Variants in SORCS1 observed in about 807,000 individuals in gnomAD.
SORCS1 encodes VPS10 domain-containing receptor SorCS1.
A neutral mutation model predicts 146.1 loss-of-function variants in SORCS1; 60 were observed. That is an observed-to-expected ratio of 0.41 (90% confidence interval 0.33 to 0.51). The LOEUF (loss-of-function observed/expected upper bound fraction) is 0.51, where lower values mean the gene tolerates loss of function less well. SORCS1 is among the 20% of genes least tolerant of loss of function. The pLI is 0.21. For synonymous variants in SORCS1, 637 were observed against 584.0 expected, an observed-to-expected ratio of 1.09 and a Z score of -1.31; for missense variants, 1,352 against 1,487.6, an observed-to-expected ratio of 0.91 and a Z score of 1.50.
At chr10:106,746,786 G>C (rs1022718626) in intron 5 of SORCS1, among the ~76,000 whole-genome samples, 1 of 152,218 alleles carries the variant, frequency 6.6e-6, no homozygotes, top group Non-Finnish European at 1.5e-5. Context: ...GCTGAAATGT[G>C]AGGTCAAATG....
intron 6 of SORCS1, among the ~76,000 whole-genome samples, chr10:106,714,093 G>A (rs1855187225): frequency 8.7e-6 from 1 of 115,594 alleles, no homozygotes; most frequent in Admixed American, 1.3e-4. Flanking sequence ...CTGGGATCAC[G>A]GCACTGCACT....
At chr10:106,609,063 C>T (rs1846797357) in intron 22 of SORCS1, among the ~76,000 whole-genome samples, 1 of 152,164 alleles carries the variant, frequency 6.6e-6, no homozygotes, top group Non-Finnish European at 1.5e-5. Flanking sequence ...TCTCAATTTC[C>T]ACTCCAGGAA....
upstream of SORCS1, among the ~76,000 whole-genome samples, chr10:107,169,434 A>G (rs1970112468): frequency 6.6e-6 from 1 of 152,166 alleles, no homozygotes. Context: ...GAATCCAGTA[A>G]TTGTACCCGT....
chr10:107,080,749 C>T (rs1963268797), intron 1 of SORCS1, among the ~76,000 whole-genome samples: 1 of 152,152 alleles, frequency 6.6e-6, no homozygotes, highest in East Asian at 1.9e-4. Flanking sequence ...ATCCTTAAAA[C>T]CCAGTTATTA....
intron 5 of SORCS1, among the ~76,000 whole-genome samples, chr10:106,735,553 G>A (rs1856890602): frequency 6.6e-6 from 1 of 152,138 alleles, no homozygotes; most frequent in Non-Finnish European, 1.5e-5. Context: ...TGCAGCAATA[G>A]GATCAATGGA....
At chr10:106,758,396 C>T (rs1858823769) in intron 5 of SORCS1, among the ~76,000 whole-genome samples, 1 of 152,128 alleles carries the variant, frequency 6.6e-6, no homozygotes, top group African/African-American at 2.4e-5. Flanking sequence ...TGGTAGGAAC[C>T]AACTTCTGCC....
At chr10:106,814,902 G>A (rs1282791218) in intron 3 of SORCS1, among the ~76,000 whole-genome samples, 7 of 97,802 alleles carry the variant, frequency 7.2e-5, no homozygotes, top group South Asian at 4.5e-4. Flanking sequence ...GCGACAGAGC[G>A]AGACTCCATC....
intron 1 of SORCS1, among the ~76,000 whole-genome samples, chr10:107,030,115 G>T (rs1958584796): frequency 6.6e-6 from 1 of 152,018 alleles, no homozygotes; most frequent in Non-Finnish European, 1.5e-5. Flanking sequence ...CATCAGGAGT[G>T]GTCTACTCCA....
Position 106,830,279 on chromosome 10 carries a change from G to C in SORCS1, c.627-606C>G, listed in dbSNP as rs572971456. Among the ~76,000 whole-genome samples the C allele has an allele frequency of 1.5e-3, 232 of 152,244 alleles. 2 individuals are homozygous for C. The highest frequency in any genetic ancestry group is 5.5e-3 in the African/African-American group (227 of 41,554). On this transcript the variant is annotated intron_variant, in intron 2 of 25. Transcript: ENST00000263054. ...GACACTGACACTGTTTTTTCCTATA[G>C]AGCCTCTCAGCTTTAGCCATTGGTC...
chr10:106,587,008 T>C (rs983801368), intron 24 of SORCS1, among the ~76,000 whole-genome samples: 5 of 152,068 alleles, frequency 3.3e-5, no homozygotes, highest in African/African-American at 1.2e-4. Flanking sequence ...TAGATGAAAA[T>C]ATCACATTTA....
chr10:106,677,429 G>C, intron 12 of SORCS1, 25 bp from the exon 13 acceptor site: 1 of 1,592,750 alleles, frequency 6.3e-7, no homozygotes, highest in Non-Finnish European at 8.6e-7. Flanking sequence ...CACATACATG[G>C]ACACACATCC....
chr10:106,927,516 A>G (rs1041475989), intron 2 of SORCS1, among the ~76,000 whole-genome samples: 3 of 152,098 alleles, frequency 2.0e-5, no homozygotes, highest in East Asian at 1.9e-4. Context: ...AGCTTCCACC[A>G]CTGTGGAAGG....
intron 1 of SORCS1, among the ~76,000 whole-genome samples, chr10:107,015,955 C>T (rs1375994680): frequency 1.3e-5 from 2 of 148,468 alleles, no homozygotes; most frequent in Non-Finnish European, 3.0e-5. Context: ...TAATCAAAAA[C>T]CACTTATACC....
chr10:106,854,894 G>T (rs955638290), intron 2 of SORCS1, among the ~76,000 whole-genome samples: 1 of 152,238 alleles, frequency 6.6e-6, no homozygotes, highest in Admixed American at 6.5e-5. Flanking sequence ...GAAGAAAGTG[G>T]TATCTGTGAG....
chr10:106,668,280 T>A (rs969323380), intron 16 of SORCS1, among the ~76,000 whole-genome samples: 6 of 152,222 alleles, frequency 3.9e-5, no homozygotes, highest in Non-Finnish European at 5.9e-5. Flanking sequence ...GAGCCAGGTC[T>A]CTCTGTGTAC....
chr10:106,761,485 C>CTT, intron 5 of SORCS1, 103 bp downstream of exon 5: 5 of 974,338 alleles, frequency 5.1e-6, no homozygotes, highest in Non-Finnish European at 8.2e-6. Flanking sequence ...AAGAACAGAC[C>CTT]TTATGTGAGA....
At chr10:106,883,139 C>T (rs1950868079) in intron 2 of SORCS1, among the ~76,000 whole-genome samples, 1 of 152,178 alleles carries the variant, frequency 6.6e-6, no homozygotes. Flanking sequence ...ATTTCAGAGT[C>T]AGATGGTTTT....
intron 2 of SORCS1, among the ~76,000 whole-genome samples, chr10:106,841,565 A>G (rs1158591617): frequency 6.6e-6 from 1 of 152,172 alleles, no homozygotes; most frequent in African/African-American, 2.4e-5. Context: ...CATAACTTTT[A>G]TATGCACTGA....
At position 106,675,049 on chromosome 10, in the gene SORCS1, G is replaced by A. The variant is rs533738961; in HGVS notation, c.1940C>T (p.Thr647Ile). 24 of 1,608,902 alleles carry A rather than the reference G, an allele frequency of 1.5e-5. No individual in the cohort carries two copies. The highest frequency in any genetic ancestry group is 1.2e-4 in the Admixed American group (7 of 59,824). The change falls in exon 14 of 26, where the codon ACA becomes ATA. Residue 647 changes from threonine to isoleucine, a missense_variant and splice_region_variant. Coordinates refer to ENST00000263054, the MANE Select transcript of SORCS1 (RefSeq NM_052918.5). ...GACCACATCATACTTTTCAACTTAC[G>A]TCATGATGAGAGTCTCTTCTCCAGG... ...GEPGEETLIM[T>I]VFGHFSHRSE... is the part of the protein sequence containing the mutation.
Sources: gnomAD v4.1 joint callset for allele counts (sites outside exome capture counted in the v4.1 genomes callset) on GRCh38, gnomAD v4.1.1 for gene constraint, MANE v1.5 for transcripts, NCBI Gene and HGNC (gene_info 2026-07-23, HGNC 2026-07-21) for gene names.